MYO18B: variants seen among roughly 807,000 people sequenced by gnomAD.
MYO18B encodes myosin XVIIIB, also known as unconventional myosin-XVIIIb.
A neutral mutation model predicts 273.0 loss-of-function variants in MYO18B; 204 were observed. The ratio of observed to expected loss-of-function variants is 0.75; its 90% CI spans 0.67 to 0.84. The LOEUF (loss-of-function observed/expected upper bound fraction) is 0.84, where lower values mean the gene tolerates loss of function less well. MYO18B is among the 40% of genes least tolerant of loss of function. The probability of loss-of-function intolerance (pLI) is 0.00; values close to 1 mark genes in which losing one functional copy is unlikely to be tolerated. For synonymous variants in MYO18B, 1,330 were observed against 1,305.7 expected, an observed-to-expected ratio of 1.02 and a Z score of -0.40; for missense variants, 3,212 against 3,287.6, an observed-to-expected ratio of 0.98 and a Z score of 0.56.
chr22:26,028,492 G>A (rs1936445865), intron 43 of MYO18B: 1 of 152,100 alleles, frequency 6.6e-6, no homozygotes, highest in Non-Finnish European at 1.5e-5. Flanking sequence ...TCAGGGGGGA[G>A]GGAACAAGTA....
chr22:26,013,109 T>TATG (rs34421085), intron 42 of MYO18B, among the ~76,000 whole-genome samples: 53,235 of 151,760 alleles, frequency 0.35, 10,102 homozygotes, highest in African/African-American at 0.5. Flanking sequence ...CTTTCGATAT[T>TATG]TTTTCAAGAT....
chr22:25,854,243 A>G (rs1199751811), intron 21 of MYO18B, among the ~76,000 whole-genome samples: 1 of 152,138 alleles, frequency 6.6e-6, no homozygotes, highest in African/African-American at 2.4e-5. Context: ...TGATGGATAT[A>G]TTGTGTTCCT....
chr22:25,931,743 C>G (rs2092506026), intron 34 of MYO18B, among the ~76,000 whole-genome samples: 1 of 140,668 alleles, frequency 7.1e-6, no homozygotes, highest in African/African-American at 2.7e-5. Flanking sequence ...AGTGCAGTGG[C>G]TCAATCATGG....
At chr22:26,058,227 G>A in the MYO18B span, among the ~76,000 whole-genome samples, 4 of 152,108 alleles carry the variant, frequency 2.6e-5, no homozygotes, top group East Asian at 7.7e-4. Context: ...TTGGAGACAG[G>A]CAATATCATG....
chr22:25,840,846 C>G (rs150920424), intron 17 of MYO18B, among the ~76,000 whole-genome samples: 390 of 152,264 alleles, frequency 2.6e-3, no homozygotes, highest in African/African-American at 8.7e-3. Context: ...CCAGATATCC[C>G]TAGCAGTGTG....
intron 16 of MYO18B, among the ~76,000 whole-genome samples, chr22:25,833,775 C>A (rs989063655): frequency 2.0e-5 from 3 of 152,232 alleles, no homozygotes; most frequent in Non-Finnish European, 4.4e-5. Flanking sequence ...AGGCACCTGG[C>A]GTGATGCTTG....
chr22:25,785,973 G>A (rs545458091), intron 11 of MYO18B, among the ~76,000 whole-genome samples: 36 of 152,292 alleles, frequency 2.4e-4, no homozygotes, highest in African/African-American at 8.2e-4. Context: ...TTGGGTAGGG[G>A]CACTCAGCGA....
intron 21 of MYO18B, among the ~76,000 whole-genome samples, chr22:25,860,413 T>C (rs989701416): frequency 6.6e-6 from 1 of 152,210 alleles, no homozygotes; most frequent in African/African-American, 2.4e-5. Context: ...CTACTTTTCC[T>C]GGTTTCTTAA....
intron 9 of MYO18B, among the ~76,000 whole-genome samples, chr22:25,781,466 C>A (rs982627641): frequency 6.6e-6 from 1 of 151,990 alleles, no homozygotes; most frequent in South Asian, 2.1e-4. Context: ...AAAAATTAGC[C>A]GGGCGTGGTG....
At chr22:25,853,243 C>T (rs1426706744) in intron 21 of MYO18B, among the ~76,000 whole-genome samples, 1 of 151,806 alleles carries the variant, frequency 6.6e-6, no homozygotes, top group Non-Finnish European at 1.5e-5. Context: ...CATGTGCCTG[C>T]GTGTGCCTGA....
chr22:26,054,781 G>A, the MYO18B span, among the ~76,000 whole-genome samples: 1 of 152,264 alleles, frequency 6.6e-6, no homozygotes, highest in South Asian at 2.1e-4. Context: ...CACCAATGTC[G>A]ATGGGACTTG....
At chr22:25,997,087 C>A (rs1467738572) in intron 40 of MYO18B, among the ~76,000 whole-genome samples, 1 of 151,914 alleles carries the variant, frequency 6.6e-6, no homozygotes, top group Non-Finnish European at 1.5e-5. Flanking sequence ...CTTTGGGAGG[C>A]CAAGGCGGGT....
intron 18 of MYO18B, among the ~76,000 whole-genome samples, chr22:25,844,725 G>A (rs17705356): frequency 0.033 from 5,011 of 152,290 alleles, 121 homozygotes; most frequent in Non-Finnish European, 0.052. Context: ...AGAACATTAT[G>A]TCAGAGCTGA....
chr22:25,911,163 C>A, intron 33 of MYO18B, 113 bp downstream of exon 33: 2 of 782,958 alleles, frequency 2.6e-6, no homozygotes, highest in Non-Finnish European at 4.2e-6. Context: ...CAGCTCTGTT[C>A]CCACCATATT....
intron 34 of MYO18B, among the ~76,000 whole-genome samples, chr22:25,932,139 T>G (rs2092512397): frequency 6.6e-6 from 1 of 152,180 alleles, no homozygotes; most frequent in Admixed American, 6.5e-5. Flanking sequence ...TTGAAAGAAT[T>G]TAAAACTTAC....
chr22:26,062,148 C>T, the MYO18B span, among the ~76,000 whole-genome samples: 1,285 of 152,254 alleles, frequency 8.4e-3, 22 homozygotes, highest in African/African-American at 0.029. Flanking sequence ...CTTTCTCTTA[C>T]CCCCTTCTTC....
Position 25,868,344 on chromosome 22 carries a change from C to G in MYO18B, c.3910C>G (p.Leu1304Val), listed in dbSNP as rs191509221. 3.7e-6 allele frequency: 6 copies of G among 1,604,416 alleles called. No homozygotes were observed. The highest frequency in any genetic ancestry group is 3.4e-5 in the Admixed American group (2 of 58,798). ...GGCCGTGGAGGAGCTCCTGGAGACC[C>G]TGGATCTGGAAAAGAAGGCGGTGGC... is the stretch of plus-strand genomic sequence containing the variant. ...RKAVEELLET[L>V]DLEKKAVAVG... Residue 1304 changes from leucine (L) to valine (V), a missense_variant, in exon 22 of 44, where the codon CTG becomes GTG. Physicochemically the swap from Leu to Val is conservative, Grantham distance 32. Coordinates refer to ENST00000335473, the MANE Select transcript of MYO18B (RefSeq NM_032608.7).
rs1183092206 is a variant in MYO18B at position 25,910,808 on chromosome 22, CACCCA to C, written c.5260-136_5260-132del. 40 of 666,736 alleles carry C rather than the reference CACCCA, an allele frequency of 6.0e-5. No homozygotes were observed. The African/African-American group carries it at 6.1e-4, about 10-fold the overall frequency. The allele number at this position is 666,736 out of a possible 1,614,324, so 41.3% of individuals were successfully genotyped here. Reference sequence around the variant, plus strand: ...TTAAATTCTCCCACAGAGACACTACCACCCAATCACTAGGGCAGCCTCATGGAACA... The same window carrying C: ...TTAAATTCTCCCACAGAGACACTACCATCACTAGGGCAGCCTCATGGAACA... On this transcript the variant is annotated intron_variant, in intron 32 of 43. Transcript: ENST00000335473.
intron 42 of MYO18B, among the ~76,000 whole-genome samples, chr22:26,007,774 A>C (rs1202099997): frequency 1.3e-5 from 2 of 152,192 alleles, no homozygotes; most frequent in African/African-American, 2.4e-5. Context: ...ATGAACTGAC[A>C]CAGAGTACAG....
Sources: allele counts gnomAD v4.1 joint callset (sites outside exome capture counted in the v4.1 genomes callset), GRCh38; gene constraint gnomAD v4.1.1; transcripts MANE v1.5; gene names NCBI Gene and HGNC (gene_info 2026-07-23, HGNC 2026-07-21).